The following NFIA variants were observed in gnomAD, a reference collection of about 807,000 sequenced individuals.
NFIA encodes nuclear factor 1 A-type.
In NFIA, 8 loss-of-function variants were observed where a neutral mutation model predicts 62.8. The observed-to-expected ratio is 0.13, with a 90% CI of 0.07 to 0.23. The LOEUF (loss-of-function observed/expected upper bound fraction) is 0.23, where lower values mean the gene tolerates loss of function less well. Among genes scored for constraint, NFIA ranks in the 10% least tolerant of loss-of-function variants. The probability of loss-of-function intolerance (pLI) is 1.00; values close to 1 mark genes in which losing one functional copy is unlikely to be tolerated. For missense variants in NFIA, 410 were observed against 642.1 expected, an observed-to-expected ratio of 0.64 and a Z score of 3.91; for synonymous variants, 235 against 238.1, an observed-to-expected ratio of 0.99 and a Z score of 0.12.
At chr1:61,194,080 A>G (rs1651830179) in intron 2 of NFIA, among the ~76,000 whole-genome samples, 1 of 152,204 alleles carries the variant, frequency 6.6e-6, no homozygotes, top group Non-Finnish European at 1.5e-5. Flanking sequence ...TTGATAATTA[A>G]TTAATTTGAT....
chr1:61,359,088 GT>G, intron 5 of NFIA, 58 bp from the exon 6 acceptor site: 2 of 1,590,972 alleles, frequency 1.3e-6, no homozygotes, highest in Non-Finnish European at 1.7e-6. Flanking sequence ...CAGAGGTGCA[GT>G]GTCCAAGAGA....
chr1:61,412,506 TG>T (rs1666151061), intron 9 of NFIA, among the ~76,000 whole-genome samples: 2 of 152,094 alleles, frequency 1.3e-5, no homozygotes, highest in Admixed American at 6.5e-5. Context: ...GAAGAATTGG[TG>T]ATGATGCCTG....
At chr1:61,379,188 A>T (rs1186741724) in intron 6 of NFIA, among the ~76,000 whole-genome samples, 1 of 152,116 alleles carries the variant, frequency 6.6e-6, no homozygotes, top group Non-Finnish European at 1.5e-5. Context: ...ATAAGGCATC[A>T]TTATACAAGG....
chr1:61,184,211 G>T (rs897905352), intron 2 of NFIA, among the ~76,000 whole-genome samples: 1 of 151,622 alleles, frequency 6.6e-6, no homozygotes, highest in Non-Finnish European at 1.5e-5. Context: ...GACTCGGCTT[G>T]CTTCTCCTGG....
At chr1:61,141,558 T>A (rs1647536137) in intron 2 of NFIA, among the ~76,000 whole-genome samples, 1 of 152,216 alleles carries the variant, frequency 6.6e-6, no homozygotes, top group African/African-American at 2.4e-5. Flanking sequence ...TTGAGCTATT[T>A]AGCACGAAGT....
At chr1:61,151,193 AGT>A (rs1175496185) in intron 2 of NFIA, among the ~76,000 whole-genome samples, 2 of 151,926 alleles carry the variant, frequency 1.3e-5, no homozygotes, top group Non-Finnish European at 2.9e-5. Context: ...GACATTTTGC[AGT>A]TTTTGTTGTT....
intron 4 of NFIA, among the ~76,000 whole-genome samples, chr1:61,337,286 C>T (rs998407217): frequency 1.3e-5 from 2 of 150,592 alleles, no homozygotes; most frequent in Non-Finnish European, 2.9e-5. Context: ...TCCGTGAACT[C>T]CCCTTTCCTC....
intron 4 of NFIA, among the ~76,000 whole-genome samples, chr1:61,345,522 G>A (rs1449789226): frequency 6.6e-6 from 1 of 152,138 alleles, no homozygotes; most frequent in Non-Finnish European, 1.5e-5. Flanking sequence ...CCAGTGCTCA[G>A]GCTGCAGACT....
chr1:61,147,791 T>C (rs1648116375), intron 2 of NFIA, among the ~76,000 whole-genome samples: 1 of 152,170 alleles, frequency 6.6e-6, no homozygotes, highest in African/African-American at 2.4e-5. Context: ...GTGTGTGCCC[T>C]GAAACTTCGG....
upstream of NFIA, among the ~76,000 whole-genome samples, chr1:61,079,143 G>T (rs1646066541): frequency 6.6e-6 from 1 of 152,144 alleles, no homozygotes; most frequent in South Asian, 2.1e-4. Flanking sequence ...TTCAATTTAG[G>T]ATTATATGCA....
chr1:61,099,751 C>T (rs1646477183), intron 2 of NFIA, among the ~76,000 whole-genome samples: 1 of 152,132 alleles, frequency 6.6e-6, no homozygotes, highest in South Asian at 2.1e-4. Flanking sequence ...GCATTTAAGC[C>T]AACTCCCTTA....
chr1:61,190,257 A>G (rs559286484), intron 2 of NFIA, among the ~76,000 whole-genome samples: 1 of 152,328 alleles, frequency 6.6e-6, no homozygotes, highest in Non-Finnish European at 1.5e-5. Flanking sequence ...CTTCATCAGA[A>G]TAGATTCCAT....
intron 2 of NFIA, among the ~76,000 whole-genome samples, chr1:61,235,045 A>G (rs551829458): frequency 2.0e-5 from 3 of 152,244 alleles, no homozygotes; most frequent in African/African-American, 7.2e-5. Flanking sequence ...CTTTTTTCTT[A>G]AGAAAGAAGC....
chr1:61,094,308 CT>C (rs1646374341), intron 2 of NFIA, among the ~76,000 whole-genome samples: 1 of 152,056 alleles, frequency 6.6e-6, no homozygotes, highest in Non-Finnish European at 1.5e-5. Context: ...ACATAAAACC[CT>C]GAACTTAATC....
intron 10 of NFIA, among the ~76,000 whole-genome samples, chr1:61,432,185 G>A (rs1229068616): frequency 6.6e-6 from 1 of 151,484 alleles, no homozygotes; most frequent in Non-Finnish European, 1.5e-5. Context: ...GTCTAGCTTG[G>A]GCCTAATGAT....
rs1237265580 is a variant in NFIA, at chr1:61,456,707, T to A, written c.*1387T>A. On this transcript the variant is annotated 3_prime_UTR_variant, in exon 11 of 11. Coordinates refer to ENST00000403491, the MANE Select transcript of NFIA (RefSeq NM_001134673.4). ...ATAATAATAATGATGAAACCAATAC[T>A]GACACAAATGCTGGTGCCCATTCAG... 8 of 145,860 alleles carry A rather than the reference T, an allele frequency of 5.5e-5. No individual in the cohort carries two copies. The Admixed American group carries it at 5.5e-4, about 10-fold the overall frequency. 9.0% of individuals were successfully genotyped at this position (145,860 alleles called of 1,614,324 possible).
intron 3 of NFIA, among the ~76,000 whole-genome samples, chr1:61,297,539 C>T (rs985836519): frequency 6.6e-6 from 1 of 152,142 alleles, no homozygotes; most frequent in African/African-American, 2.4e-5. Context: ...TGAGAATAGT[C>T]CTTTCTTTGA....
At chr1:61,231,789 T>C (rs1164483607) in intron 2 of NFIA, among the ~76,000 whole-genome samples, 3 of 151,896 alleles carry the variant, frequency 2.0e-5, no homozygotes, top group Non-Finnish European at 4.4e-5. Context: ...TGATTGTAAC[T>C]GAGAATAGCC....
At chr1:61,296,074 G>A (rs1165840296) in intron 3 of NFIA, among the ~76,000 whole-genome samples, 3 of 152,302 alleles carry the variant, frequency 2.0e-5, no homozygotes, top group Non-Finnish European at 2.9e-5. Flanking sequence ...TGTGTTTACC[G>A]TGGTATCACT....
Sources: gnomAD v4.1 joint callset for allele counts (sites outside exome capture counted in the v4.1 genomes callset) on GRCh38, gnomAD v4.1.1 for gene constraint, MANE v1.5 for transcripts, NCBI Gene and HGNC (gene_info 2026-07-23, HGNC 2026-07-21) for gene names.